Variants in ASAP1 observed in about 807,000 individuals in gnomAD.
The protein encoded by ASAP1 is ArfGAP with SH3 domain, ankyrin repeat and PH domain 1, also known as arf-GAP with SH3 domain, ANK repeat and PH domain-containing protein 1.
Under a neutral mutation model 145.2 loss-of-function variants are expected in ASAP1, and 43 were observed. The ratio of observed to expected loss-of-function variants is 0.30; its 90% CI spans 0.23 to 0.38. The LOEUF is 0.38. Among genes scored for constraint, ASAP1 ranks in the 10% least tolerant of loss-of-function variants. The pLI is 1.00. For synonymous variants in ASAP1, 546 were observed against 515.5 expected, an observed-to-expected ratio of 1.06 and a Z score of -0.80; for missense variants, 1,018 against 1,355.3, an observed-to-expected ratio of 0.75 and a Z score of 3.91.
intron 3 of ASAP1, among the ~76,000 whole-genome samples, chr8:130,324,265 T>C (rs1278187273): frequency 1.3e-5 from 2 of 152,144 alleles, no homozygotes; most frequent in Admixed American, 1.3e-4. Context: ...CCAGAAATGT[T>C]AGGCTCACTT....
intron 25 of ASAP1, among the ~76,000 whole-genome samples, chr8:130,090,229 T>A (rs1393644842): frequency 3.9e-5 from 6 of 152,284 alleles, no homozygotes; most frequent in Admixed American, 3.9e-4. Context: ...TGTTCGAGTC[T>A]ATACAATGTG....
chr8:130,102,629 T>C (rs2097530643), intron 24 of ASAP1, among the ~76,000 whole-genome samples: 2 of 152,170 alleles, frequency 1.3e-5, no homozygotes, highest in African/African-American at 4.8e-5. Flanking sequence ...TTAGGAAAAA[T>C]TCCTTTGTCT....
At chr8:130,320,817 T>C (rs1434802568) in intron 3 of ASAP1, among the ~76,000 whole-genome samples, 1 of 152,082 alleles carries the variant, frequency 6.6e-6, no homozygotes, top group Admixed American at 6.6e-5. Flanking sequence ...AAATTATCTA[T>C]CCCAAACCAC....
intron 3 of ASAP1, among the ~76,000 whole-genome samples, chr8:130,266,236 C>T (rs978607755): frequency 3.9e-5 from 6 of 152,038 alleles, no homozygotes; most frequent in African/African-American, 1.5e-4. Flanking sequence ...AGTGAAGGTG[C>T]GGCTGGAGGA....
At chr8:130,328,153 T>C (rs1490476639) in intron 3 of ASAP1, among the ~76,000 whole-genome samples, 1 of 152,140 alleles carries the variant, frequency 6.6e-6, no homozygotes. Flanking sequence ...TTCTCGCCTA[T>C]CATCATAACA....
chr8:130,341,800 C>G (rs1825399027), intron 3 of ASAP1, among the ~76,000 whole-genome samples: 1 of 152,074 alleles, frequency 6.6e-6, no homozygotes, highest in African/African-American at 2.4e-5. Context: ...AAAAGAGAAA[C>G]AGGAAAAGCA....
chr8:130,437,319 G>A (rs1193096240), intron 1 of ASAP1, among the ~76,000 whole-genome samples: 1 of 152,200 alleles, frequency 6.6e-6, no homozygotes, highest in Admixed American at 6.5e-5. Flanking sequence ...GCTCACAGGT[G>A]AGGAACTATA....
At chr8:130,118,296 G>T in intron 19 of ASAP1, 50 bp from the exon 20 acceptor site, 1 of 1,567,242 alleles carries the variant, frequency 6.4e-7, no homozygotes, top group Non-Finnish European at 8.8e-7. Flanking sequence ...GCTCTGCCAA[G>T]GGAGGCTTCA....
intron 3 of ASAP1, among the ~76,000 whole-genome samples, chr8:130,351,760 C>G (rs951805627): frequency 3.9e-5 from 6 of 152,112 alleles, no homozygotes; most frequent in African/African-American, 1.4e-4. Flanking sequence ...ATGAGGCATC[C>G]GCCCCCACGA....
At chr8:130,192,326 C>T (rs147720788) in intron 5 of ASAP1, among the ~76,000 whole-genome samples, 2,221 of 140,470 alleles carry the variant, frequency 0.016, 29 homozygotes, top group Middle Eastern at 0.045. Flanking sequence ...TAAAATTTCA[C>T]GGGGGGGAGC....
At chr8:130,207,081 C>T in intron 5 of ASAP1, among the ~76,000 whole-genome samples, 1 of 152,138 alleles carries the variant, frequency 6.6e-6, no homozygotes, top group East Asian at 1.9e-4. Flanking sequence ...CAAGAGCATT[C>T]TGCTTCCTTT....
intron 3 of ASAP1, among the ~76,000 whole-genome samples, chr8:130,267,772 T>C (rs1469905217): frequency 6.6e-6 from 1 of 152,242 alleles, no homozygotes; most frequent in Non-Finnish European, 1.5e-5. Context: ...GTGACTGATA[T>C]ATTTTCTCCT....
intron 3 of ASAP1, among the ~76,000 whole-genome samples, chr8:130,301,331 T>C (rs1396162267): frequency 6.6e-6 from 1 of 152,208 alleles, no homozygotes; most frequent in Non-Finnish European, 1.5e-5. Flanking sequence ...CAGTGTGTTC[T>C]GAGAAACGAT....
intron 26 of ASAP1, among the ~76,000 whole-genome samples, chr8:130,077,537 C>CT (rs58327713): frequency 0.14 from 8,721 of 62,070 alleles, 2,325 homozygotes; most frequent in East Asian, 0.36. Context: ...GCTGCTGCTG[C>CT]TTTTTTTTTT....
intron 17 of ASAP1, 118 bp from the exon 18 acceptor site, chr8:130,124,222 T>C (rs1243909070): frequency 1.4e-6 from 1 of 739,528 alleles, no homozygotes; most frequent in East Asian, 2.8e-5. Context: ...TGACTTAGAA[T>C]ACAAACCACC....
At chr8:130,114,247 G>A (rs1353173312) in intron 23 of ASAP1, among the ~76,000 whole-genome samples, 1 of 152,158 alleles carries the variant, frequency 6.6e-6, no homozygotes, top group Non-Finnish European at 1.5e-5. Flanking sequence ...AAACCTAGAT[G>A]GGAGAGCCTA....
intron 11 of ASAP1, among the ~76,000 whole-genome samples, chr8:130,161,212 C>T (rs889904331): frequency 1.8e-4 from 27 of 151,266 alleles, no homozygotes; most frequent in African/African-American, 6.1e-4. Flanking sequence ...TTTTATTTTT[C>T]CCCAAGGGAA....
intron 24 of ASAP1, among the ~76,000 whole-genome samples, chr8:130,110,631 C>T (rs188787235): frequency 6.6e-6 from 1 of 152,298 alleles, no homozygotes; most frequent in Admixed American, 6.5e-5. Flanking sequence ...GGCTTACATG[C>T]ACTATTACTG....
Position 130,167,423 on chromosome 8 carries a change from T to A in ASAP1, c.909+113A>T, listed in dbSNP as rs746946017. ...CTACATGGGGCTTATGGTAGGTACA[T>A]ACTTGCATATTATATATCACTGTGC... On this transcript the variant is annotated intron_variant, in intron 11 of 29. Coordinates refer to ENST00000518721, the MANE Select transcript of ASAP1 (RefSeq NM_018482.4). 7 of 871,754 alleles carry A rather than the reference T, an allele frequency of 8.0e-6. No homozygotes were observed. The South Asian group carries it at 9.2e-5, about 11-fold the overall frequency. The allele number at this position is 871,754 out of a possible 1,614,324, so 54.0% of individuals were successfully genotyped here. A position where few individuals can be genotyped will look rare whatever the true frequency, so the allele number is the denominator to read the frequency against.
Sources: allele counts gnomAD v4.1 joint callset (sites outside exome capture counted in the v4.1 genomes callset), GRCh38; gene constraint gnomAD v4.1.1; transcripts MANE v1.5; gene names NCBI Gene and HGNC (gene_info 2026-07-23, HGNC 2026-07-21).